Variants in SELENOF observed in about 807,000 individuals in gnomAD.
The protein encoded by SELENOF is selenoprotein F, also known as 15 kDa selenoprotein.
A neutral mutation model predicts 20.5 loss-of-function variants in SELENOF; 16 were observed. That is an observed-to-expected ratio of 0.78 (90% CI 0.53 to 1.19). The LOEUF is 1.19. Ranked by LOEUF, SELENOF falls within the 50% of genes most tolerant of loss-of-function variation. SELENOF has a pLI of 0.00. For synonymous variants in SELENOF, 78 were observed against 74.5 expected (o/e 1.05, Z -0.24); for missense variants, 215 against 194.2 (o/e 1.11, Z -0.64).
intron 1 of SELENOF, among the ~76,000 whole-genome samples, chr1:86,908,000 A>C (rs1255314362): frequency 8.7e-5 from 9 of 103,702 alleles, no homozygotes; most frequent in African/African-American, 3.4e-4. Flanking sequence ...AAAAAAAACA[A>C]AAAAAAAAAC....
At chr1:86,894,644 G>GT (rs532958045) in intron 2 of SELENOF, among the ~76,000 whole-genome samples, 19 of 152,232 alleles carry the variant, frequency 1.2e-4, no homozygotes, top group African/African-American at 4.3e-4. Flanking sequence ...TTCAAGACCA[G>GT]TTTGGGCAAC....
At chr1:86,885,693 A>C (rs1355280951) in intron 2 of SELENOF, among the ~76,000 whole-genome samples, 1 of 152,226 alleles carries the variant, frequency 6.6e-6, no homozygotes, top group Non-Finnish European at 1.5e-5. Flanking sequence ...GAGTCAAACT[A>C]AATATCAAAT....
At chr1:86,884,856 G>A (rs1179273603) in intron 2 of SELENOF, among the ~76,000 whole-genome samples, 4 of 152,186 alleles carry the variant, frequency 2.6e-5, no homozygotes, top group African/African-American at 9.6e-5. Flanking sequence ...CTAGGGAAAT[G>A]TAAGAAATCA....
chr1:86,896,073 C>A (rs1481752885), intron 2 of SELENOF, among the ~76,000 whole-genome samples: 1 of 152,058 alleles, frequency 6.6e-6, no homozygotes, highest in Non-Finnish European at 1.5e-5. Context: ...ACTAAAAATA[C>A]AAAAACTAGC....
chr1:86,906,105 T>C (rs1392064034), intron 1 of SELENOF, among the ~76,000 whole-genome samples: 2 of 152,224 alleles, frequency 1.3e-5, no homozygotes, highest in East Asian at 1.9e-4. Context: ...TCTTTAATCT[T>C]ATCTCTGTAA....
At chr1:86,872,244 G>T (rs1570375070) in intron 3 of SELENOF, among the ~76,000 whole-genome samples, 1 of 152,182 alleles carries the variant, frequency 6.6e-6, no homozygotes, top group Admixed American at 6.5e-5. Context: ...TGCTTTGAAT[G>T]CAACTAACTG....
Position 86,903,516 on chromosome 1 carries a change from A to G in SELENOF, c.85-68T>C, listed in dbSNP as rs544696677. 1.4e-5 allele frequency: 18 copies of G among 1,245,902 alleles called. No individual in the cohort carries two copies. In the South Asian group the frequency reaches 3.1e-4, roughly 21 times the overall value. 77.2% of individuals were successfully genotyped at this position (1,245,902 alleles called of 1,614,324 possible). A position where few individuals can be genotyped will look rare whatever the true frequency, so the allele number is the denominator to read the frequency against. Reference sequence around the variant, plus strand: ...TACTACAAAGCTTTCCAAAAAGAGAACACGGGGTTGTCAAAAACTAACACA... The same window carrying G: ...TACTACAAAGCTTTCCAAAAAGAGAGCACGGGGTTGTCAAAAACTAACACA... On this transcript the variant is annotated intron_variant, in intron 1 of 4. Transcript: ENST00000331835.
At chr1:86,887,083 C>T in intron 2 of SELENOF, 2 of 1,428,998 alleles carry the variant, frequency 1.4e-6, no homozygotes, top group Non-Finnish European at 1.8e-6. Flanking sequence ...TAGTGATCTA[C>T]TGGTGTTTTA....
At chr1:86,892,375 G>C (rs979220705) in intron 2 of SELENOF, among the ~76,000 whole-genome samples, 4 of 152,188 alleles carry the variant, frequency 2.6e-5, no homozygotes, top group Non-Finnish European at 5.9e-5. Flanking sequence ...ATTAGAATAT[G>C]TTAAAGACAT....
At chr1:86,891,313 T>A (rs142288813) in intron 2 of SELENOF, among the ~76,000 whole-genome samples, 1 of 151,976 alleles carries the variant, frequency 6.6e-6, no homozygotes, top group Non-Finnish European at 1.5e-5. Flanking sequence ...CCTCCCAAAG[T>A]GGTGGGATTA....
chr1:86,904,694 ATTAAT>A (rs1659787406), intron 1 of SELENOF, among the ~76,000 whole-genome samples: 2 of 152,168 alleles, frequency 1.3e-5, no homozygotes, highest in South Asian at 4.2e-4. Flanking sequence ...CCCCAAACTC[ATTAAT>A]ATAGCCTGGT....
At chr1:86,873,003 C>T (rs907225489) in intron 3 of SELENOF, among the ~76,000 whole-genome samples, 1 of 150,816 alleles carries the variant, frequency 6.6e-6, no homozygotes, top group Non-Finnish European at 1.5e-5. Context: ...TCACTGCAAG[C>T]GCCACTGCAC....
chr1:86,866,953 T>A (rs897311073), intron 4 of SELENOF, among the ~76,000 whole-genome samples: 1 of 152,192 alleles, frequency 6.6e-6, no homozygotes, highest in Non-Finnish European at 1.5e-5. Context: ...TGCACTCAGT[T>A]ATTTACCTCA....
At chr1:86,913,321 A>G (rs1403338640) in intron 1 of SELENOF, among the ~76,000 whole-genome samples, 1 of 152,230 alleles carries the variant, frequency 6.6e-6, no homozygotes, top group African/African-American at 2.4e-5. Flanking sequence ...ATGAGAAGAA[A>G]TAAGTTAAAA....
Position 86,895,577 on chromosome 1 carries a change from C to T in SELENOF, c.252+7704G>A, listed in dbSNP as rs931991410. On this transcript the variant is annotated intron_variant, in intron 2 of 4. Coordinates refer to ENST00000331835, the MANE Select transcript of SELENOF (RefSeq NM_004261.5). ...ATCAGGTAATTTGTCCAAGAACACT[C>T]GCTGAGTAGCAGAGAATATCTGAAT... Among the ~76,000 whole-genome samples, 5 of 152,284 alleles carry T rather than the reference C, an allele frequency of 3.3e-5. No homozygotes were observed. In the East Asian group the frequency reaches 5.8e-4, roughly 18 times the overall value.
At chr1:86,901,011 G>A (rs182708308) in intron 2 of SELENOF, among the ~76,000 whole-genome samples, 66 of 152,196 alleles carry the variant, frequency 4.3e-4, no homozygotes, top group African/African-American at 1.6e-3. Context: ...TTCCACCTCA[G>A]GCTCCTGAGT....
At chr1:86,880,011 C>T (rs1244449808) in intron 3 of SELENOF, among the ~76,000 whole-genome samples, 9 of 150,922 alleles carry the variant, frequency 6.0e-5, no homozygotes, top group Non-Finnish European at 1.0e-4. Flanking sequence ...TAAACTACAG[C>T]GGTGTGCTAC....
chr1:86,913,922 G>C (rs1326539441), intron 1 of SELENOF, 106 bp downstream of exon 1: 81 of 1,042,752 alleles, frequency 7.8e-5, no homozygotes, highest in Non-Finnish European at 1.1e-4. Flanking sequence ...CATTAAGGAA[G>C]CGCAGTCCTC....
chr1:86,884,033 T>A (rs114768939), intron 2 of SELENOF, among the ~76,000 whole-genome samples: 353 of 152,308 alleles, frequency 2.3e-3, no homozygotes, highest in Non-Finnish European at 4.5e-3. Flanking sequence ...AGAACTTTGT[T>A]CTCATCATAA....
Sources: allele counts gnomAD v4.1 joint callset (sites outside exome capture counted in the v4.1 genomes callset), GRCh38; gene constraint gnomAD v4.1.1; transcripts MANE v1.5; gene names NCBI Gene and HGNC (gene_info 2026-07-23, HGNC 2026-07-21).